Variants in MYO9A observed in about 807,000 individuals in gnomAD.
MYO9A encodes myosin IXA.
In MYO9A, 103 loss-of-function variants were observed where a neutral mutation model predicts 293.3. The ratio of observed to expected loss-of-function variants is 0.35; its 90% confidence interval spans 0.30 to 0.41. The LOEUF is 0.41. MYO9A is among the 10% of genes least tolerant of loss of function. The probability of loss-of-function intolerance (pLI) is 1.00; values close to 1 mark genes in which losing one functional copy is unlikely to be tolerated. For missense variants in MYO9A, 2,685 were observed against 3,033.0 expected (o/e 0.89, Z 2.69); for synonymous variants, 1,001 against 1,035.7 (o/e 0.97, Z 0.64).
At chr15:72,025,896 C>A (rs1042465437) in intron 4 of MYO9A, among the ~76,000 whole-genome samples, 3 of 152,022 alleles carry the variant, frequency 2.0e-5, no homozygotes, top group African/African-American at 7.2e-5. Flanking sequence ...CAGGGTAGAC[C>A]ATGTGTAGTC....
intron 1 of MYO9A, among the ~76,000 whole-genome samples, chr15:72,115,055 T>C (rs2080921140): frequency 6.6e-6 from 1 of 152,230 alleles, no homozygotes; most frequent in Non-Finnish European, 1.5e-5. Context: ...TCAGGAACTA[T>C]ATACTACTAA....
chr15:72,063,872 A>G (rs1003078465), intron 1 of MYO9A, among the ~76,000 whole-genome samples: 6 of 152,220 alleles, frequency 3.9e-5, no homozygotes, highest in African/African-American at 1.4e-4. Context: ...CTGCAGCACT[A>G]TTCGCAATCA....
chr15:71,977,540 C>T (rs1466446093), intron 12 of MYO9A, among the ~76,000 whole-genome samples: 1 of 152,082 alleles, frequency 6.6e-6, no homozygotes, highest in Non-Finnish European at 1.5e-5. Flanking sequence ...TTTGGCCTAT[C>T]ACGATATTCT....
At position 71,897,548 on chromosome 15, in the gene MYO9A, G is replaced by A; in HGVS notation, c.4955C>T (p.Ser1652Phe). The A allele has an allele frequency of 6.2e-7, 1 of 1,614,186 alleles. No homozygotes were observed. Among genetic ancestry groups the A allele is most frequent in the Non-Finnish European group, 8.5e-7 (1 of 1,180,024 alleles). Residue 1652 changes from serine (S) to phenylalanine (F), a missense_variant, in exon 25 of 42, where the codon TCT becomes TTT. Ser to Phe is a radical substitution (Grantham distance 155, BLOSUM62 -2). Around this residue, in one of 10 missense-constraint regions of MYO9A, gnomAD observed 1,434 missense variants for 1,497.7 expected, o/e 0.96. Coordinates refer to ENST00000356056, the MANE Select transcript of MYO9A (RefSeq NM_006901.4). ...SKREHFRPTQSYSHNSDDLSR... is the reference protein window; with the variant it reads ...SKREHFRPTQFYSHNSDDLSR... ...AAGGTCATCAGAATTGTGGCTGTAAGACTGAGTTGGCCTAAAGTGTTCTCT... is the reference window on the plus strand; with the variant it reads ...AAGGTCATCAGAATTGTGGCTGTAAAACTGAGTTGGCCTAAAGTGTTCTCT...
At chr15:71,909,323 T>A (rs973697924) in intron 19 of MYO9A, among the ~76,000 whole-genome samples, 2 of 152,236 alleles carry the variant, frequency 1.3e-5, no homozygotes, top group African/African-American at 4.8e-5. Flanking sequence ...TAAGAAACTG[T>A]CAAACTGTTT....
intron 1 of MYO9A, among the ~76,000 whole-genome samples, chr15:72,100,810 C>A (rs1769399959): frequency 6.6e-6 from 1 of 151,124 alleles, no homozygotes; most frequent in African/African-American, 2.4e-5. Flanking sequence ...CCGGCAGCCA[C>A]CCCGTCTGGG....
At chr15:72,071,392 T>TA (rs1227526266) in intron 1 of MYO9A, among the ~76,000 whole-genome samples, 1 of 151,932 alleles carries the variant, frequency 6.6e-6, no homozygotes, top group Admixed American at 6.6e-5. Context: ...GTCAAAAAAA[T>TA]AAGAGATGTT....
chr15:72,074,297 T>G (rs1053139591), intron 1 of MYO9A, among the ~76,000 whole-genome samples: 22 of 152,172 alleles, frequency 1.4e-4, no homozygotes, highest in African/African-American at 5.3e-4. Flanking sequence ...TACTGAAAGT[T>G]CTTCCAGTTA....
At chr15:72,116,302 T>G (rs2080975326) in intron 1 of MYO9A, among the ~76,000 whole-genome samples, 1 of 152,256 alleles carries the variant, frequency 6.6e-6, no homozygotes, top group Non-Finnish European at 1.5e-5. Context: ...TGTGTGTGTG[T>G]GTATGACTAC....
intron 19 of MYO9A, among the ~76,000 whole-genome samples, chr15:71,906,813 G>A (rs2057668189): frequency 8.0e-6 from 1 of 124,384 alleles, no homozygotes. Context: ...ACCCAGGCTG[G>A]AATGCAGTGG....
chr15:71,975,836 A>G (rs2076131136), intron 12 of MYO9A, among the ~76,000 whole-genome samples: 2 of 152,184 alleles, frequency 1.3e-5, no homozygotes, highest in African/African-American at 2.4e-5. Context: ...TATGTAATGA[A>G]GCCTCCATAA....
chr15:71,859,885 T>G lies in MYO9A; in HGVS notation c.6092-89A>C, dbSNP rs1434031222. 9.6e-6 allele frequency: 10 copies of G among 1,036,580 alleles called. No homozygotes were observed. In the African/African-American group the frequency reaches 1.9e-4, roughly 20 times the overall value. The allele number at this position is 1,036,580 out of a possible 1,614,324, so 64.2% of individuals were successfully genotyped here. A position where few individuals can be genotyped will look rare whatever the true frequency, so the allele number is the denominator to read the frequency against. On this transcript the variant is annotated intron_variant, in intron 33 of 41. Coordinates refer to ENST00000356056, the MANE Select transcript of MYO9A (RefSeq NM_006901.4). ...AAGTATACTTTATTTTAGACCTACG[T>G]TTTTTTCTTTAAATCTCAGACTGCT...
At chr15:71,979,751 C>T (rs1175719100) in intron 11 of MYO9A, among the ~76,000 whole-genome samples, 1 of 152,144 alleles carries the variant, frequency 6.6e-6, no homozygotes, top group Admixed American at 6.5e-5. Context: ...AAAAGTGTGC[C>T]AAACTCTGCT....
chr15:72,004,875 G>C (rs2076974238), intron 8 of MYO9A, among the ~76,000 whole-genome samples: 1 of 152,182 alleles, frequency 6.6e-6, no homozygotes, highest in Non-Finnish European at 1.5e-5. Context: ...AAAAACATTT[G>C]TTCCTCTATT....
intron 1 of MYO9A, among the ~76,000 whole-genome samples, chr15:72,099,390 G>T (rs1278270356): frequency 7.3e-6 from 1 of 136,824 alleles, no homozygotes; most frequent in Non-Finnish European, 1.5e-5. Flanking sequence ...GCAATGAGCC[G>T]AGATGCTGGG....
intron 15 of MYO9A, among the ~76,000 whole-genome samples, chr15:71,950,658 A>G (rs2059028190): frequency 6.6e-6 from 1 of 152,256 alleles, no homozygotes; most frequent in African/African-American, 2.4e-5. Context: ...AATACTTTAA[A>G]TACTGTTTTT....
At chr15:72,116,501 T>A (rs1352285090) in intron 1 of MYO9A, among the ~76,000 whole-genome samples, 1 of 152,218 alleles carries the variant, frequency 6.6e-6, no homozygotes, top group Non-Finnish European at 1.5e-5. Context: ...ATTTCTGTAC[T>A]TGCTTCTTGG....
At chr15:71,958,302 T>A (rs1415847048) in intron 14 of MYO9A, among the ~76,000 whole-genome samples, 1 of 152,172 alleles carries the variant, frequency 6.6e-6, no homozygotes, top group Non-Finnish European at 1.5e-5. Context: ...TACAATCTGT[T>A]AGTTTTTACA....
chr15:71,910,629 A>G (rs140578864), intron 19 of MYO9A, among the ~76,000 whole-genome samples: 89 of 152,292 alleles, frequency 5.8e-4, no homozygotes, highest in African/African-American at 2.0e-3. Flanking sequence ...TCTTGCCAAC[A>G]TGTTGTATAA....
Sources: gnomAD v4.1 joint callset for allele counts (sites outside exome capture counted in the v4.1 genomes callset) on GRCh38, gnomAD v4.1.1 for gene constraint, gnomAD v4.1.1 regional missense constraint, MANE v1.5 for transcripts, NCBI Gene and HGNC (gene_info 2026-07-23, HGNC 2026-07-21) for gene names.